Variants in PRKCE observed in about 807,000 individuals in gnomAD.
PRKCE encodes protein kinase C epsilon, also known as protein kinase C epsilon type.
A neutral mutation model predicts 85.4 loss-of-function variants in PRKCE; 16 were observed. That is an observed-to-expected ratio of 0.19 (90% CI 0.13 to 0.28). The LOEUF (loss-of-function observed/expected upper bound fraction) is 0.28, where lower values mean the gene tolerates loss of function less well. Among genes scored for constraint, PRKCE ranks in the 10% least tolerant of loss-of-function variants. The pLI, the probability that PRKCE is intolerant of heterozygous loss-of-function variation, is 1.00. For synonymous variants in PRKCE, 388 were observed against 371.5 expected, an observed-to-expected ratio of 1.04 and a Z score of -0.51; for missense variants, 573 against 975.2, an observed-to-expected ratio of 0.59 and a Z score of 5.49.
chr2:45,986,432 A>T lies in PRKCE; in HGVS notation c.823+1752A>T, dbSNP rs902483846. ...AGCAGGGAAGGGGAGGCGAGCGGGG[A>T]TGGGCCTTGGGGAGAATGATGGACA... On this transcript the variant is annotated intron_variant, in intron 6 of 14. Coordinates refer to ENST00000306156, the MANE Select transcript of PRKCE (RefSeq NM_005400.3). Among the ~76,000 whole-genome samples, 9 of 152,136 alleles carry T rather than the reference A, an allele frequency of 5.9e-5. No individual in the cohort carries two copies. In the East Asian group the frequency reaches 1.4e-3, roughly 23 times the overall value.
At chr2:45,677,508 C>T (rs958386932) in intron 1 of PRKCE, among the ~76,000 whole-genome samples, 5 of 152,074 alleles carry the variant, frequency 3.3e-5, no homozygotes, top group Non-Finnish European at 5.9e-5. Context: ...AGGCGCCCGC[C>T]ACCGCGCCCG....
intron 3 of PRKCE, 64 bp from the exon 4 acceptor site, chr2:45,978,912 T>G (rs1300966127): frequency 7.9e-6 from 12 of 1,521,934 alleles, no homozygotes; most frequent in Non-Finnish European, 1.1e-5. Context: ...GGGTGGTTTT[T>G]CTGTTTGTTT....
intron 1 of PRKCE, among the ~76,000 whole-genome samples, chr2:45,738,588 C>T (rs1196150527): frequency 6.6e-6 from 1 of 152,186 alleles, no homozygotes; most frequent in African/African-American, 2.4e-5. Flanking sequence ...CTTTATATAA[C>T]CACAGATCTT....
chr2:46,075,350 A>G (rs941223284), intron 10 of PRKCE, among the ~76,000 whole-genome samples: 3 of 152,056 alleles, frequency 2.0e-5, no homozygotes, highest in East Asian at 1.9e-4. Flanking sequence ...CAAAAATCTT[A>G]TAAGAAATAT....
intron 1 of PRKCE, among the ~76,000 whole-genome samples, chr2:45,790,955 C>T (rs562203172): frequency 2.6e-5 from 4 of 152,144 alleles, no homozygotes; most frequent in Non-Finnish European, 2.9e-5. Context: ...TCTAGAAAGG[C>T]GTGTAGGCCT....
At chr2:46,091,589 A>G (rs544724923) in intron 11 of PRKCE, among the ~76,000 whole-genome samples, 8 of 152,344 alleles carry the variant, frequency 5.3e-5, no homozygotes, top group African/African-American at 1.7e-4. Flanking sequence ...CGTAGATTCC[A>G]TAGCCCTGAC....
intron 10 of PRKCE, among the ~76,000 whole-genome samples, chr2:46,052,152 C>T (rs1222345617): frequency 6.6e-6 from 1 of 152,126 alleles, no homozygotes; most frequent in Non-Finnish European, 1.5e-5. Context: ...AACACAGTCC[C>T]TTCTTCCTTC....
intron 2 of PRKCE, among the ~76,000 whole-genome samples, chr2:45,944,537 G>A (rs1267655283): frequency 6.6e-6 from 1 of 152,062 alleles, no homozygotes; most frequent in Non-Finnish European, 1.5e-5. Context: ...CGCCCAGGCT[G>A]GAGTACAGTG....
intron 1 of PRKCE, among the ~76,000 whole-genome samples, chr2:45,771,196 G>A (rs1028384249): frequency 2.0e-5 from 3 of 152,248 alleles, no homozygotes; most frequent in Middle Eastern, 3.4e-3. Context: ...GTCCTTTGTT[G>A]GCAAAGATGG....
intron 13 of PRKCE, among the ~76,000 whole-genome samples, chr2:46,154,709 C>T (rs1244032001): frequency 6.6e-6 from 1 of 151,510 alleles, no homozygotes; most frequent in African/African-American, 2.4e-5. Context: ...CATAGGTTGA[C>T]TCAGTAGCAT....
intron 11 of PRKCE, among the ~76,000 whole-genome samples, chr2:46,112,182 G>A (rs185038366): frequency 2.3e-4 from 35 of 152,188 alleles, no homozygotes; most frequent in East Asian, 2.1e-3. Context: ...TTTTGAAGTC[G>A]TCTTTGTCTG....
intron 1 of PRKCE, among the ~76,000 whole-genome samples, chr2:45,754,988 A>C (rs1247822186): frequency 2.6e-5 from 4 of 152,174 alleles, no homozygotes; most frequent in African/African-American, 9.7e-5. Flanking sequence ...GAGCAGCAAG[A>C]CTACGGCGTA....
At chr2:46,003,895 CT>C (rs976854554) in intron 7 of PRKCE, 115 of 151,184 alleles carry the variant, frequency 7.6e-4, no homozygotes, top group African/African-American at 1.6e-3. Flanking sequence ...GGAACACTCT[CT>C]TTTTTTTTTA....
At chr2:45,653,334 A>C (rs924540405) in intron 1 of PRKCE, among the ~76,000 whole-genome samples, 1 of 136,912 alleles carries the variant, frequency 7.3e-6, no homozygotes, top group Admixed American at 7.3e-5. Context: ...GAGAGAAGCA[A>C]ACCTTCATTT....
chr2:46,130,182 C>T (rs1008198002), intron 11 of PRKCE, among the ~76,000 whole-genome samples: 1 of 151,776 alleles, frequency 6.6e-6, no homozygotes, highest in South Asian at 2.1e-4. Flanking sequence ...AAAATAATTA[C>T]AAAATTGGAA....
intron 1 of PRKCE, among the ~76,000 whole-genome samples, chr2:45,773,974 C>T (rs992726454): frequency 1.3e-5 from 2 of 152,210 alleles, no homozygotes; most frequent in Admixed American, 6.5e-5. Flanking sequence ...CGGTGCTGTC[C>T]GCTGCTGTCA....
chr2:45,877,922 C>T (rs1438407755), intron 2 of PRKCE, among the ~76,000 whole-genome samples: 2 of 152,254 alleles, frequency 1.3e-5, no homozygotes, highest in African/African-American at 4.8e-5. Flanking sequence ...TTCACCGAAT[C>T]ACCACATCCA....
intron 2 of PRKCE, among the ~76,000 whole-genome samples, chr2:45,900,668 G>A (rs1696508775): frequency 6.6e-6 from 1 of 152,212 alleles, no homozygotes; most frequent in Non-Finnish European, 1.5e-5. Context: ...TTGGGAAGAT[G>A]AAAATGTTCT....
In PRKCE at chr2:45,657,987, T is replaced by G. The variant is rs574325526; in HGVS notation, c.348+5539T>G. Among the ~76,000 whole-genome samples the G allele has an allele frequency of 5.3e-5, 8 of 152,360 alleles. No individual in the cohort carries two copies. The East Asian group carries it at 1.5e-3, about 29-fold the overall frequency. ...CTACAATGGCAGCCTGACCGCACTT[T>G]GATATATGTTACTCTAGAGCACATC... On this transcript the variant is annotated intron_variant, in intron 1 of 14. Coordinates refer to ENST00000306156, the MANE Select transcript of PRKCE (RefSeq NM_005400.3).
Sources: gnomAD v4.1 joint callset for allele counts (sites outside exome capture counted in the v4.1 genomes callset) on GRCh38, gnomAD v4.1.1 for gene constraint, MANE v1.5 for transcripts, NCBI Gene and HGNC (gene_info 2026-07-23, HGNC 2026-07-21) for gene names.